Variants in PRKG2 observed in about 807,000 individuals in gnomAD.
PRKG2 encodes protein kinase cGMP-dependent 2.
A neutral mutation model predicts 97.2 loss-of-function variants in PRKG2; 33 were observed. The observed-to-expected ratio is 0.34, with a 90% CI of 0.26 to 0.45. The LOEUF is 0.45. Among genes scored for constraint, PRKG2 ranks in the 20% least tolerant of loss-of-function variants. PRKG2 has a pLI of 1.00. For missense variants in PRKG2, 638 were observed against 900.0 expected (o/e 0.71, Z 3.73); for synonymous variants, 330 against 321.8 (o/e 1.03, Z -0.27).
At chr4:81,097,256 A>G (rs974524314) in intron 17 of PRKG2, among the ~76,000 whole-genome samples, 3 of 152,152 alleles carry the variant, frequency 2.0e-5, no homozygotes, top group African/African-American at 7.2e-5. Context: ...GTACATTTCC[A>G]TCAGAGCTCT....
chr4:81,130,102 T>C (rs1746019676), intron 14 of PRKG2, among the ~76,000 whole-genome samples: 4 of 152,118 alleles, frequency 2.6e-5, no homozygotes, highest in Admixed American at 2.6e-4. Flanking sequence ...TTTTCAGCCT[T>C]TTTGTGCTGT....
chr4:81,095,813 G>C (rs1216788953), intron 17 of PRKG2, among the ~76,000 whole-genome samples: 2 of 152,062 alleles, frequency 1.3e-5, no homozygotes, highest in African/African-American at 4.8e-5. Flanking sequence ...TTAAAATACA[G>C]GCATACCTTG....
At chr4:81,133,225 T>C (rs1299680603) in intron 14 of PRKG2, among the ~76,000 whole-genome samples, 4 of 152,206 alleles carry the variant, frequency 2.6e-5, no homozygotes, top group Non-Finnish European at 5.9e-5. Flanking sequence ...TAGGTTTCTA[T>C]TCCTCTACCA....
chr4:81,094,833 G>A (rs543652336), intron 17 of PRKG2, among the ~76,000 whole-genome samples: 10 of 152,222 alleles, frequency 6.6e-5, no homozygotes, highest in South Asian at 2.1e-4. Flanking sequence ...GCTAGATCAC[G>A]TACAGCTTTG....
chr4:81,151,890 CTA>C lies in PRKG2; in HGVS notation c.1085+68_1085+69del, dbSNP rs33960966. The C allele has an allele frequency of 0.018, 22,686 of 1,249,810 alleles. 3,083 individuals carry two copies. In the African/African-American group the frequency reaches 0.3, roughly 16 times the overall value. 77.4% of individuals were successfully genotyped at this position (1,249,810 alleles called of 1,614,324 possible). A position where few individuals can be genotyped will look rare whatever the true frequency, so the allele number is the denominator to read the frequency against. On this transcript the variant is annotated intron_variant, in intron 8 of 18. Coordinates refer to ENST00000264399, the MANE Select transcript of PRKG2 (RefSeq NM_006259.3). The stretch of plus-strand genomic sequence containing the variant: ...AACTTGGTAGCTCAATTTAACAACT[CTA>C]AATGATTTTATATAAAAAATAGTCG...
Position 81,140,875 on chromosome 4 carries a change from T to G in PRKG2, c.1408-206A>C, listed in dbSNP as rs1747213843. On this transcript the variant is annotated intron_variant, in intron 11 of 18. Coordinates refer to ENST00000264399, the MANE Select transcript of PRKG2 (RefSeq NM_006259.3). Reference sequence around the variant, plus strand: ...ATCTATCTGGGATGTGGCTCTAAAATTTTTGTATTAAAGCAAAATAAAATT... The same window carrying G: ...ATCTATCTGGGATGTGGCTCTAAAAGTTTTGTATTAAAGCAAAATAAAATT... Among the ~76,000 whole-genome samples, 3 of 152,158 alleles carry G rather than the reference T, an allele frequency of 2.0e-5. No homozygotes were observed. In the South Asian group the frequency reaches 6.2e-4, roughly 32 times the overall value.
At chr4:81,180,408 A>C (rs1295334212) in intron 2 of PRKG2, among the ~76,000 whole-genome samples, 4 of 152,140 alleles carry the variant, frequency 2.6e-5, no homozygotes, top group Non-Finnish European at 4.4e-5. Flanking sequence ...ACATGCCTTA[A>C]AGATAATGTA....
At chr4:81,124,508 G>T (rs10022306) in intron 14 of PRKG2, among the ~76,000 whole-genome samples, 5,756 of 152,220 alleles carry the variant, frequency 0.038, 394 homozygotes, top group African/African-American at 0.13. Flanking sequence ...TCTTCCAAAA[G>T]CTTTGTAGCT....
intron 17 of PRKG2, among the ~76,000 whole-genome samples, chr4:81,103,417 GA>G (rs1743017355): frequency 6.6e-6 from 1 of 152,018 alleles, no homozygotes; most frequent in Admixed American, 6.6e-5. Context: ...ACTGCAAAAG[GA>G]TAAAGCATGG....
intron 17 of PRKG2, among the ~76,000 whole-genome samples, chr4:81,100,972 T>C (rs557997050): frequency 6.6e-6 from 1 of 152,042 alleles, no homozygotes; most frequent in Admixed American, 6.6e-5. Context: ...AAAATGCTCA[T>C]CATCACTGGC....
chr4:81,170,285 A>G (rs1750348773), intron 4 of PRKG2, among the ~76,000 whole-genome samples: 1 of 152,130 alleles, frequency 6.6e-6, no homozygotes, highest in Admixed American at 6.6e-5. Context: ...AATGCCTACA[A>G]ATTATTTGAA....
intron 13 of PRKG2, 136 bp downstream of exon 13, chr4:81,137,257 A>G: frequency 1.5e-6 from 1 of 682,444 alleles, no homozygotes; most frequent in Non-Finnish European, 2.6e-6. Context: ...TAGCCAAGAC[A>G]ATATCACTAT....
intron 3 of PRKG2, 24 bp from the exon 4 acceptor site, chr4:81,171,828 C>A (rs750106399): frequency 3.4e-6 from 5 of 1,491,698 alleles, no homozygotes; most frequent in Non-Finnish European, 4.6e-6. Flanking sequence ...TTTTAAAAAA[C>A]ACACACACAA....
intron 17 of PRKG2, among the ~76,000 whole-genome samples, chr4:81,098,718 G>A (rs1182535663): frequency 6.6e-6 from 1 of 152,084 alleles, no homozygotes; most frequent in East Asian, 1.9e-4. Context: ...AACATATATC[G>A]ATGAAGTTTG....
At chr4:81,175,588 C>A (rs1461981347) in intron 2 of PRKG2, 1 of 152,166 alleles carries the variant, frequency 6.6e-6, no homozygotes, top group East Asian at 1.9e-4. Flanking sequence ...GCCTTTGGGG[C>A]TTGGTAAGTT....
chr4:81,115,138 A>G (rs1421659541), intron 14 of PRKG2, among the ~76,000 whole-genome samples: 2 of 152,178 alleles, frequency 1.3e-5, no homozygotes. Context: ...ATACAAGAGT[A>G]AAAATGCTGG....
At chr4:81,089,844 G>T (rs1378610124) in intron 18 of PRKG2, 41 bp from the exon 19 acceptor site, 2 of 1,481,320 alleles carry the variant, frequency 1.4e-6, no homozygotes, top group East Asian at 2.3e-5. Flanking sequence ...GAATAATGTT[G>T]ACCAAGCATG....
At chr4:81,154,798 G>A (rs972110431) in intron 6 of PRKG2, among the ~76,000 whole-genome samples, 1 of 152,172 alleles carries the variant, frequency 6.6e-6, no homozygotes, top group Non-Finnish European at 1.5e-5. Flanking sequence ...CGAGAAGAAG[G>A]CTTCAGACGA....
At chr4:81,173,286 C>G (rs546707987) in intron 3 of PRKG2, among the ~76,000 whole-genome samples, 1 of 152,264 alleles carries the variant, frequency 6.6e-6, no homozygotes, top group Admixed American at 6.5e-5. Context: ...ATCCAATTTT[C>G]ATTTCCATGT....
Sources: allele counts gnomAD v4.1 joint callset (sites outside exome capture counted in the v4.1 genomes callset), GRCh38; gene constraint gnomAD v4.1.1; transcripts MANE v1.5; gene names NCBI Gene and HGNC (gene_info 2026-07-23, HGNC 2026-07-21).